The following SFI1 variants were observed in gnomAD, a reference collection of about 807,000 sequenced individuals.
SFI1 encodes the protein protein SFI1 homolog.
SFI1 carries 195 observed loss-of-function variants against 207.5 expected under a neutral mutation model. That is an observed-to-expected ratio of 0.94 (90% CI 0.84 to 1.06). The LOEUF (loss-of-function observed/expected upper bound fraction) is 1.06. SFI1 is among the 50% of genes least tolerant of loss of function. SFI1 has a pLI of 0.00. For synonymous variants in SFI1, 630 were observed against 598.9 expected (o/e 1.05, Z -0.76); for missense variants, 1,634 against 1,588.0 (o/e 1.03, Z -0.49).
At chr22:31,599,887 T>C (rs538508247) in intron 15 of SFI1, among the ~76,000 whole-genome samples, 60 of 152,118 alleles carry the variant, frequency 3.9e-4, no homozygotes, top group Middle Eastern at 6.8e-3. Context: ...GTTATTTTTT[T>C]TTTTTTTAAG....
intron 6 of SFI1, among the ~76,000 whole-genome samples, chr22:31,553,282 C>G (rs572756591): frequency 2.6e-5 from 4 of 151,886 alleles, no homozygotes; most frequent in Non-Finnish European, 5.9e-5. Context: ...GGTGAAGTAT[C>G]TGTTCATGAT....
intron 8 of SFI1, among the ~76,000 whole-genome samples, chr22:31,567,071 A>ACT (rs1049547666): frequency 1.2e-4 from 18 of 152,124 alleles, no homozygotes; most frequent in African/African-American, 3.6e-4. Flanking sequence ...ACGCCTGGCT[A>ACT]ATTTTTTGTA....
chr22:31,550,674 C>T (rs2060541498), intron 6 of SFI1: 3 of 259,066 alleles, frequency 1.2e-5, no homozygotes, highest in South Asian at 5.4e-5. Context: ...TATCTTGCTG[C>T]GTCAAGTTGC....
At chr22:31,595,015 G>A (rs5753715) in intron 15 of SFI1, among the ~76,000 whole-genome samples, 33,483 of 151,502 alleles carry the variant, frequency 0.22, 4,062 homozygotes, top group East Asian at 0.42. Context: ...ATTTATTTTT[G>A]AGTTGGAGTC....
At chr22:31,586,088 C>G (rs926111858) in intron 14 of SFI1, among the ~76,000 whole-genome samples, 5 of 152,106 alleles carry the variant, frequency 3.3e-5, no homozygotes, top group African/African-American at 1.2e-4. Flanking sequence ...GTTTCTCTCC[C>G]CTTTCCTGTT....
chr22:31,579,163 G>A (rs997874486), intron 11 of SFI1, among the ~76,000 whole-genome samples: 3 of 151,822 alleles, frequency 2.0e-5, no homozygotes, highest in African/African-American at 7.3e-5. Context: ...ATTATTATTA[G>A]AGATAGGGTC....
intron 1 of SFI1, among the ~76,000 whole-genome samples, chr22:31,499,779 A>G (rs1339253308): frequency 6.6e-6 from 1 of 151,768 alleles, no homozygotes; most frequent in African/African-American, 2.4e-5. Context: ...ACCTGAGGTC[A>G]GGAGTTCGAG....
intron 15 of SFI1, among the ~76,000 whole-genome samples, chr22:31,591,396 C>T (rs1033721046): frequency 2.6e-5 from 4 of 152,244 alleles, no homozygotes; most frequent in African/African-American, 4.8e-5. Flanking sequence ...AACCATCCGA[C>T]CTCTCAATCT....
At chr22:31,580,223 C>T in intron 11 of SFI1, 49 bp from the exon 12 acceptor site, 1 of 1,473,684 alleles carries the variant, frequency 6.8e-7, no homozygotes, top group Non-Finnish European at 9.5e-7. Context: ...AGTTTACAGA[C>T]TCTACTGATC....
intron 7 of SFI1, chr22:31,559,588 G>T: frequency 1.5e-6 from 1 of 650,574 alleles, no homozygotes; most frequent in Non-Finnish European, 2.8e-6. Context: ...CATTAAGGAT[G>T]TGGGTTGACA....
intron 6 of SFI1, among the ~76,000 whole-genome samples, chr22:31,552,989 A>C (rs1262613035): frequency 6.6e-6 from 1 of 151,890 alleles, no homozygotes; most frequent in Admixed American, 6.6e-5. Context: ...GACCGTAGGC[A>C]TGTGCTACCA....
chr22:31,501,133 T>C (rs1669201416), intron 1 of SFI1, among the ~76,000 whole-genome samples: 1 of 151,566 alleles, frequency 6.6e-6, no homozygotes, highest in African/African-American at 2.4e-5. Context: ...ATTAGTTTTT[T>C]AGACAATGCT....
intron 17 of SFI1, among the ~76,000 whole-genome samples, chr22:31,603,030 C>T (rs538115705): frequency 6.6e-5 from 10 of 152,284 alleles, no homozygotes; most frequent in Non-Finnish European, 1.0e-4. Context: ...GTCAGGAGTT[C>T]GAGACCAGCC....
At chr22:31,506,119 G>A in intron 1 of SFI1, among the ~76,000 whole-genome samples, 1 of 12,710 alleles carries the variant, frequency 7.9e-5, no homozygotes, top group East Asian at 2.6e-3. Flanking sequence ...GTGTGATCTC[G>A]GTTCACTGCA....
chr22:31,567,229 A>G (rs895604853), intron 8 of SFI1, among the ~76,000 whole-genome samples: 5 of 152,152 alleles, frequency 3.3e-5, no homozygotes, highest in East Asian at 1.9e-4. Flanking sequence ...TTTTATTACA[A>G]TGTACTGACT....
rs2072158250 is a variant in SFI1, at chr22:31,618,242, A to G, written c.3624+16A>G. 25 of 1,596,336 alleles carry G rather than the reference A, an allele frequency of 1.6e-5. No individual in the cohort carries two copies. Among genetic ancestry groups the G allele is most frequent in the Non-Finnish European group, 1.8e-5 (21 of 1,172,808 alleles). Reference sequence around the variant, plus strand: ...GCTGGAACAGGTGAGGCCCCAGGCCATCCCCAGGTGTCCCTGGGGACGCCC... The same window carrying G: ...GCTGGAACAGGTGAGGCCCCAGGCCGTCCCCAGGTGTCCCTGGGGACGCCC... On this transcript the variant is annotated intron_variant, in intron 32 of 32. Coordinates refer to ENST00000400288, the MANE Select transcript of SFI1 (RefSeq NM_001007467.3).
chr22:31,566,276 T>C (rs1646607927), intron 8 of SFI1, among the ~76,000 whole-genome samples: 1 of 152,128 alleles, frequency 6.6e-6, no homozygotes, highest in Non-Finnish European at 1.5e-5. Context: ...GTATTTTTAG[T>C]AGAGATGGGG....
At chr22:31,514,205 T>C (rs905808451) in intron 2 of SFI1, among the ~76,000 whole-genome samples, 1 of 149,338 alleles carries the variant, frequency 6.7e-6, no homozygotes, top group Non-Finnish European at 1.5e-5. Context: ...TGCTGTTCAA[T>C]AGATATTAAA....
At chr22:31,606,693 CTTTTTTT>C (rs10524692) in intron 21 of SFI1, 19 of 115,498 alleles carry the variant, frequency 1.6e-4, no homozygotes, top group East Asian at 5.0e-4. Context: ...TTCTTTTTTT[CTTTTTTT>C]TTTTTTTTTT....
Sources: gnomAD v4.1 joint callset for allele counts (sites outside exome capture counted in the v4.1 genomes callset) on GRCh38, gnomAD v4.1.1 for gene constraint, MANE v1.5 for transcripts, NCBI Gene and HGNC (gene_info 2026-07-23, HGNC 2026-07-21) for gene names.